The following ANKS1A variants were observed in gnomAD, a reference collection of about 807,000 sequenced individuals.
ANKS1A encodes ankyrin repeat and sterile alpha motif domain containing 1A.
In ANKS1A, 55 loss-of-function variants were observed where a neutral mutation model predicts 120.3. That is an observed-to-expected ratio of 0.46 (90% CI 0.37 to 0.57). The LOEUF is 0.57. Ranked by LOEUF, ANKS1A falls within the 20% of genes least tolerant of loss-of-function variation. The probability of loss-of-function intolerance (pLI) is 0.00; values close to 1 mark genes in which losing one functional copy is unlikely to be tolerated. For missense variants in ANKS1A, 1,123 were observed against 1,480.3 expected (o/e 0.76, Z 3.96); for synonymous variants, 590 against 604.7 (o/e 0.98, Z 0.36).
intron 1 of ANKS1A, among the ~76,000 whole-genome samples, chr6:34,920,969 A>G (rs1430434217): frequency 6.6e-6 from 1 of 152,198 alleles, no homozygotes; most frequent in Non-Finnish European, 1.5e-5. Context: ...CTGGGGAGGT[A>G]CTGAGTTGGC....
chr6:35,090,168 T>C lies in ANKS1A; in HGVS notation c.*1559T>C. 1 of 1,289,462 alleles carries C rather than the reference T, an allele frequency of 7.8e-7. No individual in the cohort carries two copies. 79.9% of individuals were successfully genotyped at this position (1,289,462 alleles called of 1,614,324 possible). A position where few individuals can be genotyped will look rare whatever the true frequency, so the allele number is the denominator to read the frequency against. Reference sequence around the variant, plus strand: ...GTAGAGGCAGGCCCTCCTCCACTTCTTGGTACTAAACGAAGATCTCGACAC... The same window carrying C: ...GTAGAGGCAGGCCCTCCTCCACTTCCTGGTACTAAACGAAGATCTCGACAC... On this transcript the variant is annotated 3_prime_UTR_variant, in exon 24 of 24. Transcript: ENST00000360359.
At chr6:34,915,986 CTTTTTTTTTTTT>C (rs202041070) in intron 1 of ANKS1A, among the ~76,000 whole-genome samples, 4 of 104,568 alleles carry the variant, frequency 3.8e-5, no homozygotes, top group African/African-American at 1.6e-4. Context: ...ATGTCTGGAT[CTTTTTTTTTTTT>C]TTTTTTTTTT....
rs1778172889 is a variant in ANKS1A, at chr6:35,089,328, T to C, written c.*719T>C. 2.0e-6 allele frequency: 2 copies of C among 987,126 alleles called. No individual in the cohort carries two copies. The highest frequency in any genetic ancestry group is 2.4e-6 in the Non-Finnish European group (2 of 830,996). The allele number at this position is 987,126 out of a possible 1,614,324, so 61.1% of individuals were successfully genotyped here. On this transcript the variant is annotated 3_prime_UTR_variant, in exon 24 of 24. Coordinates refer to ENST00000360359, the MANE Select transcript of ANKS1A (RefSeq NM_015245.3). The stretch of plus-strand genomic sequence containing the variant: ...GCCAAATGAAGATAAGTGTGCAGTT[T>C]CTAGTGCTGGGAAGTCTTAGCCAGC...
intron 8 of ANKS1A, 149 bp downstream of exon 8, chr6:34,985,427 C>T: frequency 1.4e-6 from 1 of 711,434 alleles, no homozygotes; most frequent in Non-Finnish European, 2.3e-6. Context: ...TCATGGGGCT[C>T]TGCTGGGTCT....
chr6:35,028,936 T>C (rs928527658), intron 11 of ANKS1A, among the ~76,000 whole-genome samples: 2 of 152,242 alleles, frequency 1.3e-5, no homozygotes, highest in Non-Finnish European at 2.9e-5. Context: ...ACTGAACAGC[T>C]GTGTGAAAGA....
Position 34,994,349 on chromosome 6 carries a change from AGAC to A in ANKS1A, c.1353_1355del (p.Asp451del), listed in dbSNP as rs866688880. 8 of 1,613,668 alleles carry A rather than the reference AGAC, an allele frequency of 5.0e-6. No individual in the cohort carries two copies. Among genetic ancestry groups the A allele is most frequent in the Non-Finnish European group, 6.8e-6 (8 of 1,179,748 alleles). On this transcript the variant is annotated inframe_deletion, in exon 10 of 24. Transcript: ENST00000360359. Reference sequence around the variant, plus strand: ...TTCATGGGAGTGCAGCCCGGGAAGAAGACGAACACCCTTATGAACTGTTGTTAA... The same window carrying A: ...TTCATGGGAGTGCAGCCCGGGAAGAAGAACACCCTTATGAACTGTTGTTAA...
chr6:34,959,613 G>A (rs909429721), intron 1 of ANKS1A, among the ~76,000 whole-genome samples: 3 of 152,240 alleles, frequency 2.0e-5, no homozygotes, highest in African/African-American at 7.2e-5. Context: ...ATAGCAGCCA[G>A]TGCAATCAGG....
chr6:35,090,666 C>T lies in ANKS1A; in HGVS notation c.*2057C>T. 1.0e-6 allele frequency: 1 copy of T among 988,906 alleles called. No homozygotes were observed. The highest frequency in any genetic ancestry group is 1.2e-6 in the Non-Finnish European group (1 of 832,230). The allele number at this position is 988,906 out of a possible 1,614,324, so 61.3% of individuals were successfully genotyped here. ...TCTTCTCCTCTGGGATGGGTAGTCT[C>T]CCTTTCCTAGAAAGGTTATTATAAC... On this transcript the variant is annotated 3_prime_UTR_variant, in exon 24 of 24. Coordinates refer to ENST00000360359, the MANE Select transcript of ANKS1A (RefSeq NM_015245.3).
At chr6:34,912,992 C>T (rs1431101843) in intron 1 of ANKS1A, among the ~76,000 whole-genome samples, 4 of 152,166 alleles carry the variant, frequency 2.6e-5, no homozygotes, top group East Asian at 1.9e-4. Context: ...TTATGAACAT[C>T]GTCACCTTGT....
intron 1 of ANKS1A, among the ~76,000 whole-genome samples, chr6:34,914,063 G>A (rs1229345582): frequency 5.9e-5 from 9 of 152,126 alleles, no homozygotes; most frequent in Non-Finnish European, 1.3e-4. Flanking sequence ...GACTACAGGT[G>A]CCTGCCACCA....
chr6:34,894,240 G>T (rs1766964271), intron 1 of ANKS1A, among the ~76,000 whole-genome samples: 1 of 152,166 alleles, frequency 6.6e-6, no homozygotes, highest in Non-Finnish European at 1.5e-5. Flanking sequence ...TATGTTTAGA[G>T]TTATAGTGAA....
chr6:35,091,734 A>C (rs774815889), downstream of ANKS1A, among the ~76,000 whole-genome samples: 1 of 152,224 alleles, frequency 6.6e-6, no homozygotes, highest in Non-Finnish European at 1.5e-5. Flanking sequence ...CCACCCATAG[A>C]CATGAACCGA....
chr6:34,951,720 A>G (rs1468265615), intron 1 of ANKS1A, among the ~76,000 whole-genome samples: 3 of 152,198 alleles, frequency 2.0e-5, no homozygotes, highest in African/African-American at 7.2e-5. Flanking sequence ...AAATAATAAG[A>G]TTAAATGAAT....
At chr6:35,064,165 C>T (rs1398203805) in intron 13 of ANKS1A, among the ~76,000 whole-genome samples, 4 of 152,174 alleles carry the variant, frequency 2.6e-5, no homozygotes, top group Admixed American at 2.6e-4. Context: ...GGGATGGTCT[C>T]TGCTAGTGCC....
chr6:35,070,189 CTA>C (rs1452214024), intron 13 of ANKS1A, among the ~76,000 whole-genome samples: 1 of 152,126 alleles, frequency 6.6e-6, no homozygotes, highest in Non-Finnish European at 1.5e-5. Context: ...TGTGTTTAGA[CTA>C]TGACTGGTAT....
intron 11 of ANKS1A, among the ~76,000 whole-genome samples, chr6:35,045,532 A>G (rs1775676882): frequency 6.6e-6 from 1 of 152,204 alleles, no homozygotes; most frequent in South Asian, 2.1e-4. Flanking sequence ...TTCCACCCCT[A>G]CACACTGCCT....
chr6:34,941,660 CTTCTT>C (rs1769545123), intron 1 of ANKS1A, among the ~76,000 whole-genome samples: 1 of 152,182 alleles, frequency 6.6e-6, no homozygotes, highest in Admixed American at 6.5e-5. Flanking sequence ...TATAGCTTCT[CTTCTT>C]TATTCTGTTA....
intron 10 of ANKS1A, among the ~76,000 whole-genome samples, chr6:35,008,003 C>T (rs1266306400): frequency 6.6e-6 from 1 of 152,180 alleles, no homozygotes; most frequent in African/African-American, 2.4e-5. Context: ...GTGCTTCCGT[C>T]TGTAGTCCCA....
chr6:35,068,035 T>C (rs1156495552), intron 13 of ANKS1A, among the ~76,000 whole-genome samples: 4 of 151,966 alleles, frequency 2.6e-5, no homozygotes, highest in Non-Finnish European at 2.9e-5. Flanking sequence ...CTGGAATTAC[T>C]GGCGGGCACT....
Sources: gnomAD v4.1 joint callset for allele counts (sites outside exome capture counted in the v4.1 genomes callset) on GRCh38, gnomAD v4.1.1 for gene constraint, MANE v1.5 for transcripts, NCBI Gene and HGNC (gene_info 2026-07-23, HGNC 2026-07-21) for gene names.